Variants in OPCML observed in about 807,000 individuals in gnomAD.
OPCML encodes the protein opioid-binding protein/cell adhesion molecule.
In OPCML, 13 loss-of-function variants were observed where a neutral mutation model predicts 37.8. That is an observed-to-expected ratio of 0.34 (90% CI 0.22 to 0.55). The LOEUF (loss-of-function observed/expected upper bound fraction) is 0.55. Among genes scored for constraint, OPCML ranks in the 20% least tolerant of loss-of-function variants. OPCML has a pLI of 0.91. For missense variants in OPCML, 341 were observed against 435.6 expected (o/e 0.78, Z 1.93); for synonymous variants, 176 against 168.8 (o/e 1.04, Z -0.33).
At chr11:132,659,941 A>G (rs980862101) in intron 2 of OPCML, among the ~76,000 whole-genome samples, 3 of 152,168 alleles carry the variant, frequency 2.0e-5, no homozygotes, top group Non-Finnish European at 4.4e-5. Flanking sequence ...TTTATTTGCA[A>G]CCAAAAATAT....
intron 2 of OPCML, among the ~76,000 whole-genome samples, chr11:132,759,707 G>A (rs1241799443): frequency 6.6e-6 from 1 of 151,466 alleles, no homozygotes; most frequent in Non-Finnish European, 1.5e-5. Flanking sequence ...TATTAGTCTG[G>A]CTAGCAATCT....
rs748012299 is a variant in OPCML at position 132,420,208 on chromosome 11, G to T, written c.1002C>A (p.Phe334Leu). ...GGATTTCTTATCAAAACTTGATGAA[G>T]AAGTGGGCTAAGAGGGTCCCTGATA... Reference protein sequence around the residue: ...LWLSGTLLAHFFIKF With the variant: ...LWLSGTLLAHLFIKF Residue 334 changes from phenylalanine to leucine, a missense_variant, in exon 8 of 8, where the codon TTC (phenylalanine) becomes TTA (leucine). By Grantham distance (22) the Phe-to-Leu change is conservative. Coordinates refer to ENST00000524381, the MANE Select transcript of OPCML (RefSeq NM_001012393.5). The T allele has an allele frequency of 6.2e-7, 1 of 1,613,806 alleles. No individual in the cohort carries two copies. Among genetic ancestry groups the T allele is most frequent in the Non-Finnish European group, 8.5e-7 (1 of 1,179,868 alleles).
intron 1 of OPCML, among the ~76,000 whole-genome samples, chr11:133,424,952 T>C (rs1945970404): frequency 6.6e-6 from 1 of 152,246 alleles, no homozygotes; most frequent in Non-Finnish European, 1.5e-5. Context: ...TGATTTTTCC[T>C]ATTTGATACT....
chr11:132,553,127 A>G (rs1288025035), intron 3 of OPCML, among the ~76,000 whole-genome samples: 1 of 152,176 alleles, frequency 6.6e-6, no homozygotes, highest in African/African-American at 2.4e-5. Flanking sequence ...TCACACAATG[A>G]ATTCAACTTA....
chr11:132,854,810 T>A (rs1941985132), intron 2 of OPCML, among the ~76,000 whole-genome samples: 1 of 152,204 alleles, frequency 6.6e-6, no homozygotes, highest in Non-Finnish European at 1.5e-5. Context: ...CATGTAAGTC[T>A]TTGTGGGACA....
intron 1 of OPCML, among the ~76,000 whole-genome samples, chr11:133,383,968 C>T (rs766483381): frequency 1.3e-4 from 20 of 152,182 alleles, no homozygotes; most frequent in East Asian, 1.9e-4. Context: ...CCTCTCCCTA[C>T]GCACAGAGGG....
intron 1 of OPCML, among the ~76,000 whole-genome samples, chr11:133,194,371 C>G (rs1386350780): frequency 1.3e-5 from 2 of 152,026 alleles, no homozygotes; most frequent in African/African-American, 4.8e-5. Flanking sequence ...CCAACACACC[C>G]AGCTAATTTT....
chr11:132,997,662 GGACTCTCAAGAGAA>G (rs572117952), intron 1 of OPCML, among the ~76,000 whole-genome samples: 122 of 152,320 alleles, frequency 8.0e-4, no homozygotes, highest in African/African-American at 2.8e-3. Flanking sequence ...CATCCACCAT[GGACTCTCAAGAGAA>G]GACTCCTGGC....
chr11:132,595,233 G>C (rs1213678567), intron 3 of OPCML, among the ~76,000 whole-genome samples: 1 of 152,062 alleles, frequency 6.6e-6, no homozygotes, highest in Non-Finnish European at 1.5e-5. Context: ...AAGGCATATT[G>C]AGAACATGAT....
chr11:132,771,481 T>C (rs746994549), intron 2 of OPCML: 1 of 152,140 alleles, frequency 6.6e-6, no homozygotes, highest in East Asian at 1.9e-4. Flanking sequence ...CAAAAAGGAA[T>C]AGGTGAGAAT....
At chr11:133,479,803 T>C (rs1947335146) in intron 1 of OPCML, among the ~76,000 whole-genome samples, 1 of 152,078 alleles carries the variant, frequency 6.6e-6, no homozygotes, top group African/African-American at 2.4e-5. Flanking sequence ...CTTAATTATA[T>C]CTTTGGAATC....
At chr11:132,659,086 C>A (rs771953588) in intron 2 of OPCML, among the ~76,000 whole-genome samples, 12 of 152,172 alleles carry the variant, frequency 7.9e-5, no homozygotes, top group Non-Finnish European at 1.0e-4. Context: ...TCGAATGATT[C>A]TTTCACATCA....
chr11:132,478,476 T>C (rs913077424), intron 4 of OPCML, among the ~76,000 whole-genome samples: 1 of 152,130 alleles, frequency 6.6e-6, no homozygotes, highest in Non-Finnish European at 1.5e-5. Context: ...ACACAACACA[T>C]CCTTAACATG....
At chr11:133,018,400 C>A (rs2136895023) in intron 1 of OPCML, among the ~76,000 whole-genome samples, 2 of 151,972 alleles carry the variant, frequency 1.3e-5, no homozygotes, top group East Asian at 3.9e-4. Flanking sequence ...CCTTTTTATT[C>A]TTCCTTTCCT....
intron 1 of OPCML, among the ~76,000 whole-genome samples, chr11:133,237,288 C>A (rs1228289520): frequency 6.6e-6 from 1 of 152,170 alleles, no homozygotes; most frequent in African/African-American, 2.4e-5. Context: ...GGGGTGGAGC[C>A]CACATGCCCC....
At chr11:132,756,428 G>A (rs1451763303) in intron 2 of OPCML, among the ~76,000 whole-genome samples, 1 of 152,112 alleles carries the variant, frequency 6.6e-6, no homozygotes, top group Non-Finnish European at 1.5e-5. Flanking sequence ...AAATTATCAG[G>A]CGTACATTTC....
At chr11:133,004,001 T>G in intron 1 of OPCML, 7 of 985,296 alleles carry the variant, frequency 7.1e-6, no homozygotes, top group Non-Finnish European at 8.4e-6. Flanking sequence ...CCCGAGGAAG[T>G]GGCACACGTC....
chr11:133,164,114 C>CCT (rs1465612552), intron 1 of OPCML, among the ~76,000 whole-genome samples: 6 of 152,194 alleles, frequency 3.9e-5, no homozygotes, highest in African/African-American at 1.4e-4. Context: ...TATTAAGTGA[C>CCT]CTTATACCAA....
intron 1 of OPCML, among the ~76,000 whole-genome samples, chr11:133,308,251 A>G (rs1382505702): frequency 6.6e-6 from 1 of 152,182 alleles, no homozygotes; most frequent in Admixed American, 6.5e-5. Context: ...CTTAGTTTAT[A>G]CCATAGACTC....
Sources: allele counts gnomAD v4.1 joint callset (sites outside exome capture counted in the v4.1 genomes callset), GRCh38; gene constraint gnomAD v4.1.1; transcripts MANE v1.5; gene names NCBI Gene and HGNC (gene_info 2026-07-23, HGNC 2026-07-21).